The following KCNMA1 variants were observed in gnomAD, a reference collection of about 807,000 sequenced individuals.
KCNMA1 encodes potassium calcium-activated channel subfamily M alpha 1, also known as Calcium-activated potassium channel subunit alpha-1.
In KCNMA1, 29 loss-of-function variants were observed where a neutral mutation model predicts 140.0. The observed-to-expected ratio is 0.21, with a 90% confidence interval of 0.15 to 0.28. The LOEUF is 0.28. Ranked by LOEUF, KCNMA1 falls within the 10% of genes least tolerant of loss-of-function variation. KCNMA1 has a pLI of 1.00. For missense variants in KCNMA1, 880 were observed against 1,602.2 expected (o/e 0.55, Z 7.70); for synonymous variants, 612 against 611.9 (o/e 1.00, Z 0.00).
chr10:77,195,196 G>C (rs979979118), intron 3 of KCNMA1, among the ~76,000 whole-genome samples: 2 of 152,130 alleles, frequency 1.3e-5, no homozygotes, highest in African/African-American at 4.8e-5. Context: ...TCCGTCTTTG[G>C]CTGACAGCTA....
intron 14 of KCNMA1, among the ~76,000 whole-genome samples, chr10:77,048,180 C>T (rs567400482): frequency 6.6e-6 from 1 of 150,988 alleles, no homozygotes; most frequent in African/African-American, 2.4e-5. Context: ...GGTACAAATC[C>T]AAAATTTTTA....
chr10:77,165,176 C>A (rs1302780661), intron 5 of KCNMA1, among the ~76,000 whole-genome samples: 1 of 152,092 alleles, frequency 6.6e-6, no homozygotes, highest in Non-Finnish European at 1.5e-5. Context: ...CAGAAATGAC[C>A]TTTGGGACCC....
intron 2 of KCNMA1, among the ~76,000 whole-genome samples, chr10:77,401,171 C>T (rs1035269545): frequency 4.0e-5 from 6 of 149,376 alleles, no homozygotes; most frequent in Non-Finnish European, 5.9e-5. Flanking sequence ...TTTTTTGAGA[C>T]GGAGTCTTGC....
In KCNMA1 at chr10:76,897,367, G is replaced by A. The variant is rs952362676; in HGVS notation, c.3148-5648C>T. Among the ~76,000 whole-genome samples the A allele has an allele frequency of 2.0e-5, 3 of 151,662 alleles. No homozygotes were observed. In the East Asian group the frequency reaches 5.8e-4, roughly 29 times the overall value. ...ATATTTGAATTCAAAATATTAAATG[G>A]AGAATAAAAATGACCTAAAACAATG... is the stretch of plus-strand genomic sequence containing the variant. On this transcript the variant is annotated intron_variant, in intron 25 of 27. Transcript: ENST00000286628.
At chr10:76,878,446 G>A (rs1274459998) in intron 29 of KCNMA1, among the ~76,000 whole-genome samples, 1 of 152,110 alleles carries the variant, frequency 6.6e-6, no homozygotes, top group Non-Finnish European at 1.5e-5. Context: ...TGTTTCATTT[G>A]TAGCCACTTT....
At chr10:77,388,675 C>G (rs78723992) in intron 2 of KCNMA1, among the ~76,000 whole-genome samples, 4,304 of 152,240 alleles carry the variant, frequency 0.028, 192 homozygotes, top group African/African-American at 0.098. Flanking sequence ...CAAAGTCTGA[C>G]AAAATCTACA....
chr10:77,202,392 A>C (rs1214843832), intron 3 of KCNMA1, among the ~76,000 whole-genome samples: 1 of 152,216 alleles, frequency 6.6e-6, no homozygotes, highest in African/African-American at 2.4e-5. Context: ...TTCTAGAATT[A>C]ACCCACAGTA....
intron 2 of KCNMA1, among the ~76,000 whole-genome samples, chr10:77,382,895 T>G (rs1429319723): frequency 8.4e-6 from 1 of 118,498 alleles, no homozygotes; most frequent in Non-Finnish European, 1.7e-5. Flanking sequence ...AATATATATA[T>G]ATATATATAC....
At chr10:77,398,060 A>ATG (rs71028275) in intron 2 of KCNMA1, among the ~76,000 whole-genome samples, 29,118 of 148,362 alleles carry the variant, frequency 0.2, 3,092 homozygotes, top group Non-Finnish European at 0.25. Context: ...ATATGTGTGT[A>ATG]TGTGTGTGTG....
intron 19 of KCNMA1, among the ~76,000 whole-genome samples, chr10:76,991,829 T>C (rs958571236): frequency 6.6e-6 from 1 of 152,182 alleles, no homozygotes; most frequent in Non-Finnish European, 1.5e-5. Flanking sequence ...AAAGCTGACA[T>C]TGGCCAAAAT....
At chr10:77,399,824 A>G (rs557965902) in intron 2 of KCNMA1, among the ~76,000 whole-genome samples, 1 of 152,326 alleles carries the variant, frequency 6.6e-6, no homozygotes, top group African/African-American at 2.4e-5. Context: ...AGTGCCAGGT[A>G]CAGATGAGCA....
intron 2 of KCNMA1, among the ~76,000 whole-genome samples, chr10:77,306,040 C>A (rs1279391671): frequency 6.6e-6 from 1 of 152,190 alleles, no homozygotes; most frequent in Admixed American, 6.5e-5. Context: ...GCTCACTTCA[C>A]CCCCAGTGGT....
At chr10:77,443,135 C>T (rs1024484453) in intron 1 of KCNMA1, among the ~76,000 whole-genome samples, 3 of 152,192 alleles carry the variant, frequency 2.0e-5, no homozygotes, top group African/African-American at 7.2e-5. Flanking sequence ...TGGGGGCCAC[C>T]ATCATCCCAC....
chr10:76,887,396 T>C lies in KCNMA1; in HGVS notation c.3581A>G (p.His1194Arg), dbSNP rs1589551484. ...QSRASLSHSSHSSQSSSKKSS... is the reference protein window; with the variant it reads ...QSRASLSHSSRSSQSSSKKSS... ...CTTCTTGCTGGAGGACTGCGACGAG[T>C]GGGAGGAATGGGACAGGCTGGCCCG... The change falls in exon 28 of 28, where the codon CAC becomes CGC. Residue 1194 changes from histidine to arginine, a missense_variant. His to Arg is a conservative substitution (Grantham distance 29, BLOSUM62 0). This residue lies in a region of KCNMA1 where 115 missense variants were observed against 139.9 expected (regional missense o/e 0.82). Transcript: ENST00000286628. 1.2e-6 allele frequency: 2 copies of C among 1,613,350 alleles called. No homozygotes were observed. The highest frequency in any genetic ancestry group is 1.1e-5 in the South Asian group (1 of 91,028).
chr10:77,597,272 G>A (rs1441217413), intron 1 of KCNMA1, among the ~76,000 whole-genome samples: 1 of 152,010 alleles, frequency 6.6e-6, no homozygotes, highest in Admixed American at 6.5e-5. Flanking sequence ...CATCTCTCCT[G>A]CCTCAGGAGA....
chr10:77,099,229 C>T (rs2097025688), intron 9 of KCNMA1, among the ~76,000 whole-genome samples: 1 of 151,912 alleles, frequency 6.6e-6, no homozygotes, highest in Admixed American at 6.6e-5. Context: ...AAGCGAGCCC[C>T]ACCTCCCTCC....
At chr10:77,160,077 G>C (rs913996006) in intron 5 of KCNMA1, among the ~76,000 whole-genome samples, 4 of 152,092 alleles carry the variant, frequency 2.6e-5, no homozygotes, top group Non-Finnish European at 4.4e-5. Context: ...CACGGTCAAA[G>C]AGAAGGTCCC....
intron 22 of KCNMA1, chr10:76,948,843 C>G (rs1479844585): frequency 4.3e-6 from 2 of 462,336 alleles, no homozygotes; most frequent in Non-Finnish European, 4.0e-6. Flanking sequence ...TATAACAATG[C>G]TCTAGGTTTT....
intron 1 of KCNMA1, among the ~76,000 whole-genome samples, chr10:77,616,699 G>A (rs755158235): frequency 2.0e-4 from 30 of 152,112 alleles, no homozygotes; most frequent in Non-Finnish European, 3.2e-4. Context: ...CCAGCTACTC[G>A]GGAGGCTGAG....
Sources: allele counts gnomAD v4.1 joint callset (sites outside exome capture counted in the v4.1 genomes callset), GRCh38; gene constraint gnomAD v4.1.1; regional missense constraint gnomAD v4.1.1; transcripts MANE v1.5; gene names NCBI Gene and HGNC (gene_info 2026-07-23, HGNC 2026-07-21).